The following ANXA10 variants were observed in gnomAD, a reference collection of about 807,000 sequenced individuals.
The protein encoded by ANXA10 is annexin 14.
In ANXA10, 49 loss-of-function variants were observed where a neutral mutation model predicts 53.5. That is an observed-to-expected ratio of 0.92 (90% CI 0.73 to 1.16). The LOEUF is 1.16. Ranked by LOEUF, ANXA10 falls within the 50% of genes most tolerant of loss-of-function variation. ANXA10 has a pLI of 0.00. For missense variants in ANXA10, 393 were observed against 394.4 expected (o/e 1.00, Z 0.03); for synonymous variants, 131 against 128.9 (o/e 1.02, Z -0.11).
At chr4:168,142,639 G>A (rs1731345153) in intron 3 of ANXA10, among the ~76,000 whole-genome samples, 2 of 152,146 alleles carry the variant, frequency 1.3e-5, no homozygotes, top group African/African-American at 4.8e-5. Context: ...TTTGAAAGCT[G>A]GGATGATTCT....
At chr4:168,152,839 A>G (rs1731520713) in intron 3 of ANXA10, among the ~76,000 whole-genome samples, 1 of 149,572 alleles carries the variant, frequency 6.7e-6, no homozygotes, top group East Asian at 1.9e-4. Flanking sequence ...TTATATATAT[A>G]AACAATATAT....
chr4:168,108,016 A>G (rs544986001), intron 1 of ANXA10, among the ~76,000 whole-genome samples: 23 of 152,302 alleles, frequency 1.5e-4, no homozygotes, highest in South Asian at 1.2e-3. Context: ...ATCTTGTGTC[A>G]AGGTAAAAAT....
intron 1 of ANXA10, among the ~76,000 whole-genome samples, chr4:168,127,550 T>C (rs765976607): frequency 2.3e-4 from 35 of 152,102 alleles, no homozygotes; most frequent in Admixed American, 2.0e-4. Flanking sequence ...CTTAAAAAAA[T>C]ACTTACTGTT....
intron 6 of ANXA10, among the ~76,000 whole-genome samples, chr4:168,166,627 G>A (rs140346670): frequency 7.5e-6 from 1 of 132,950 alleles, no homozygotes; most frequent in African/African-American, 2.8e-5. Flanking sequence ...TTGGTTTTGT[G>A]TTTCGTGTGT....
chr4:168,163,350 T>A (rs959684431), intron 4 of ANXA10, among the ~76,000 whole-genome samples: 2 of 152,102 alleles, frequency 1.3e-5, no homozygotes, highest in Admixed American at 1.3e-4. Flanking sequence ...TGCTTGCCAA[T>A]GACCAGATTA....
intron 10 of ANXA10, among the ~76,000 whole-genome samples, 159 bp from the exon 11 acceptor site, chr4:168,184,400 C>T (rs1314320098): frequency 2.6e-5 from 4 of 152,192 alleles, no homozygotes; most frequent in South Asian, 2.1e-4. Flanking sequence ...ACAGAAATGA[C>T]TCAGGATCTG....
rs552791350 is a variant in ANXA10, at chr4:168,139,397, G to A, written c.101-89G>A. 7.5e-5 allele frequency: 75 copies of A among 1,005,526 alleles called. 2 individuals are homozygous for A. The highest frequency in any genetic ancestry group is 6.7e-4 in the South Asian group (43 of 64,388). The allele number at this position is 1,005,526 out of a possible 1,614,324, so 62.3% of individuals were successfully genotyped here. On this transcript the variant is annotated intron_variant, in intron 2 of 11. Coordinates refer to ENST00000359299, the MANE Select transcript of ANXA10 (RefSeq NM_007193.5). ...TGTAAAATACCATCAGGGATAATGC[G>A]TGCATACTGGTTATGATCGTTAGAT... is the stretch of plus-strand genomic sequence containing the variant.
chr4:168,111,423 T>G (rs1452141687), intron 1 of ANXA10, among the ~76,000 whole-genome samples: 1 of 152,150 alleles, frequency 6.6e-6, no homozygotes, highest in African/African-American at 2.4e-5. Flanking sequence ...AAGCCTTAAT[T>G]TTTCAAAATG....
At chr4:168,121,134 C>T (rs560820352) in intron 1 of ANXA10, among the ~76,000 whole-genome samples, 2 of 152,086 alleles carry the variant, frequency 1.3e-5, no homozygotes, top group Admixed American at 1.3e-4. Context: ...AGTAGTGAGA[C>T]TGAGGGTTTC....
intron 3 of ANXA10, among the ~76,000 whole-genome samples, chr4:168,153,422 C>CAAAAAAAAAAAAAAAAA (rs61179704): frequency 1.1e-3 from 46 of 43,408 alleles, no homozygotes; most frequent in South Asian, 1.4e-3. Context: ...AAGCCTAAAG[C>CAAAAAAAAAAAAAAAAA]AAAAAAAAAA....
At chr4:168,173,598 G>C (rs1027489143) in intron 6 of ANXA10, among the ~76,000 whole-genome samples, 1 of 152,230 alleles carries the variant, frequency 6.6e-6, no homozygotes, top group African/African-American at 2.4e-5. Flanking sequence ...ATTGGCAGTG[G>C]TGATAAGTGC....
rs1242612479 is a variant in ANXA10, at chr4:168,181,867, A to G, written c.783+126A>G. 3 of 700,346 alleles carry G rather than the reference A, an allele frequency of 4.3e-6. No homozygotes were observed. The East Asian group carries it at 8.0e-5, about 19-fold the overall frequency. The allele number at this position is 700,346 out of a possible 1,614,324, so 43.4% of individuals were successfully genotyped here. A position where few individuals can be genotyped will look rare whatever the true frequency, so the allele number is the denominator to read the frequency against. Reference sequence around the variant, plus strand: ...GAACTTGTATGTACAAAGAAAATACACCCAAGTGAGAAAAACTGGTTTAGA... The same window carrying G: ...GAACTTGTATGTACAAAGAAAATACGCCCAAGTGAGAAAAACTGGTTTAGA... On this transcript the variant is annotated intron_variant, in intron 10 of 11. Transcript: ENST00000359299.
At chr4:168,103,560 TTAATAA>T (rs1397011589) in intron 1 of ANXA10, among the ~76,000 whole-genome samples, 1 of 151,934 alleles carries the variant, frequency 6.6e-6, no homozygotes, top group African/African-American at 2.4e-5. Flanking sequence ...GTACTACGAC[TTAATAA>T]TAATAATTCT....
intron 6 of ANXA10, among the ~76,000 whole-genome samples, chr4:168,166,159 A>T (rs925616668): frequency 6.6e-6 from 1 of 152,208 alleles, no homozygotes; most frequent in Non-Finnish European, 1.5e-5. Flanking sequence ...ATCACAAAGT[A>T]TAAAGTTCTA....
intron 2 of ANXA10, among the ~76,000 whole-genome samples, chr4:168,137,232 A>G (rs933677539): frequency 6.6e-6 from 1 of 152,142 alleles, no homozygotes; most frequent in Non-Finnish European, 1.5e-5. Flanking sequence ...AAGAGACATT[A>G]TATTTTCTTC....
intron 6 of ANXA10, among the ~76,000 whole-genome samples, chr4:168,173,050 A>G (rs1578934105): frequency 6.6e-6 from 1 of 152,100 alleles, no homozygotes; most frequent in Non-Finnish European, 1.5e-5. Flanking sequence ...TCAGCCTCCC[A>G]AAGTGTTGGG....
chr4:168,170,631 T>C (rs912776935), intron 6 of ANXA10, among the ~76,000 whole-genome samples: 7 of 152,182 alleles, frequency 4.6e-5, no homozygotes, highest in African/African-American at 1.4e-4. Flanking sequence ...GTATTTAACC[T>C]TGGAACAGCA....
intron 3 of ANXA10, among the ~76,000 whole-genome samples, chr4:168,145,299 G>A (rs1225231668): frequency 1.3e-5 from 2 of 152,180 alleles, no homozygotes; most frequent in African/African-American, 4.8e-5. Context: ...ACAATTTAGG[G>A]AGGTTCAGAA....
At chr4:168,122,912 G>A (rs929012034) in intron 1 of ANXA10, among the ~76,000 whole-genome samples, 6 of 152,078 alleles carry the variant, frequency 3.9e-5, no homozygotes, top group African/African-American at 1.2e-4. Flanking sequence ...CATATTTAGC[G>A]TCATTTCAAG....
Sources: allele counts gnomAD v4.1 joint callset (sites outside exome capture counted in the v4.1 genomes callset), GRCh38; gene constraint gnomAD v4.1.1; transcripts MANE v1.5; gene names NCBI Gene and HGNC (gene_info 2026-07-23, HGNC 2026-07-21).